EIF4G3: variants seen among roughly 807,000 people sequenced by gnomAD.
EIF4G3 encodes eukaryotic translation initiation factor 4 gamma 3.
EIF4G3 carries 34 observed loss-of-function variants against 186.4 expected under a neutral mutation model. That is an observed-to-expected ratio of 0.18 (90% confidence interval 0.14 to 0.24). EIF4G3 has a LOEUF of 0.24. EIF4G3 is among the 10% of genes least tolerant of loss of function. EIF4G3 has a pLI of 1.00. For missense variants in EIF4G3, 1,536 were observed against 1,948.5 expected, an observed-to-expected ratio of 0.79 and a Z score of 3.99; for synonymous variants, 673 against 679.5, an observed-to-expected ratio of 0.99 and a Z score of 0.15.
intron 3 of EIF4G3, among the ~76,000 whole-genome samples, chr1:21,053,565 G>A (rs1215338368): frequency 3.4e-5 from 5 of 145,194 alleles, no homozygotes; most frequent in African/African-American, 5.1e-5. Flanking sequence ...CCCCCCGCCC[G>A]GCCAGCCGCC....
intron 29 of EIF4G3, among the ~76,000 whole-genome samples, chr1:20,845,828 A>T (rs972211459): frequency 2.0e-5 from 3 of 151,898 alleles, no homozygotes; most frequent in Non-Finnish European, 4.4e-5. Context: ...ACTTTTTTCT[A>T]GTTCTTTGTA....
chr1:20,993,477 C>A (rs925686538), intron 7 of EIF4G3, among the ~76,000 whole-genome samples: 1 of 152,130 alleles, frequency 6.6e-6, no homozygotes, highest in Non-Finnish European at 1.5e-5. Flanking sequence ...AAAAAGCCTA[C>A]CTAAATAATT....
chr1:21,058,717 C>CTTTT (rs2094704578), intron 3 of EIF4G3, among the ~76,000 whole-genome samples: 1 of 104,620 alleles, frequency 9.6e-6, no homozygotes. Flanking sequence ...CTCTCTCTCT[C>CTTTT]TCTTTTTTTT....
intron 14 of EIF4G3, among the ~76,000 whole-genome samples, chr1:20,905,670 A>G (rs961631400): frequency 1.3e-5 from 2 of 152,218 alleles, no homozygotes; most frequent in African/African-American, 4.8e-5. Flanking sequence ...TCTGGCTTAC[A>G]AATTCCACAG....
intron 2 of EIF4G3, among the ~76,000 whole-genome samples, chr1:21,132,145 C>G (rs942028217): frequency 2.0e-4 from 31 of 152,004 alleles, no homozygotes; most frequent in African/African-American, 6.3e-4. Flanking sequence ...TTATTCAAAA[C>G]TCAATAAACA....
chr1:20,879,415 G>T lies in EIF4G3; in HGVS notation c.2530C>A (p.Leu844Met), dbSNP rs1212980389. 6.2e-7 allele frequency: 1 copy of T among 1,601,174 alleles called. No homozygotes were observed. The highest frequency in any genetic ancestry group is 1.3e-5 in the African/African-American group (1 of 74,352). Reference protein sequence around the residue: ...SGLTVDTEERLKGVIDLVFEK... With the variant: ...SGLTVDTEERMKGVIDLVFEK... ...AAGACCAGGTCAATAACTCCTTTCAGCCGCTCCTCTGTGTCAACAGTAAGT... is the reference window on the plus strand; with the variant it reads ...AAGACCAGGTCAATAACTCCTTTCATCCGCTCCTCTGTGTCAACAGTAAGT... Residue 844 changes from leucine to methionine, a missense_variant, in exon 20 of 37, where the codon CTG (leucine) becomes ATG (methionine). Coordinates refer to ENST00000602326, the MANE Select transcript of EIF4G3 (RefSeq NM_001391906.1).
intron 15 of EIF4G3, among the ~76,000 whole-genome samples, chr1:20,901,568 C>T (rs931318099): frequency 5.9e-5 from 9 of 152,024 alleles, no homozygotes; most frequent in Non-Finnish European, 1.3e-4. Context: ...CATATATAAA[C>T]AGAGGCTGTA....
chr1:21,093,001 A>G (rs1028099235), intron 2 of EIF4G3, among the ~76,000 whole-genome samples: 1 of 152,248 alleles, frequency 6.6e-6, no homozygotes, highest in African/African-American at 2.4e-5. Flanking sequence ...AAAACCCTAG[A>G]AGAAAACCTA....
chr1:21,172,797 C>T (rs1204945639), intron 2 of EIF4G3, among the ~76,000 whole-genome samples: 3 of 151,116 alleles, frequency 2.0e-5, no homozygotes, highest in African/African-American at 7.3e-5. Context: ...ATCTGCCCAC[C>T]TCGGCCTCCC....
At chr1:20,876,059 A>G (rs971719083) in intron 20 of EIF4G3, among the ~76,000 whole-genome samples, 1 of 151,664 alleles carries the variant, frequency 6.6e-6, no homozygotes, top group Non-Finnish European at 1.5e-5. Context: ...CCAAAACCCT[A>G]CATGTACAAA....
intron 14 of EIF4G3, among the ~76,000 whole-genome samples, chr1:20,924,953 T>C (rs2094773883): frequency 6.6e-6 from 1 of 152,184 alleles, no homozygotes; most frequent in Non-Finnish European, 1.5e-5. Flanking sequence ...CAAAAGTAAT[T>C]CATATGAACA....
At position 21,141,566 on chromosome 1, in the gene EIF4G3, A is replaced by C. The variant is rs79189662; in HGVS notation, c.-272+34609T>G. Among the ~76,000 whole-genome samples the C allele has an allele frequency of 5.6e-3, 855 of 152,236 alleles. 3 individuals carry two copies. The highest frequency in any genetic ancestry group is 9.6e-3 in the Non-Finnish European group (656 of 68,010). ...CTATTTTACATTAAGAAAGTGAAGA[A>C]ACAAGACAAAAAACAGATCCAACCC... On this transcript the variant is annotated intron_variant, in intron 2 of 36. Transcript: ENST00000602326.
chr1:20,893,355 C>A (rs1282491507), intron 18 of EIF4G3, 162 bp downstream of exon 18: 1 of 680,410 alleles, frequency 1.5e-6, no homozygotes, highest in Non-Finnish European at 2.2e-6. Flanking sequence ...CAAGTGTATT[C>A]TTTATCTGCT....
chr1:21,113,785 G>T (rs1260756948), intron 2 of EIF4G3, among the ~76,000 whole-genome samples: 1 of 152,158 alleles, frequency 6.6e-6, no homozygotes, highest in African/African-American at 2.4e-5. Context: ...GGAGGCTGAG[G>T]CAGGAGGATC....
intron 4 of EIF4G3, among the ~76,000 whole-genome samples, chr1:21,014,174 A>C (rs1414488881): frequency 1.3e-5 from 2 of 152,212 alleles, no homozygotes; most frequent in African/African-American, 4.8e-5. Flanking sequence ...ATCTCAAAAC[A>C]AAACAAGTTG....
chr1:20,991,362 G>A (rs1023514549), intron 7 of EIF4G3, among the ~76,000 whole-genome samples: 7 of 152,080 alleles, frequency 4.6e-5, no homozygotes, highest in African/African-American at 9.7e-5. Context: ...AAGCTCAGGA[G>A]CTCAAGACTG....
chr1:21,023,081 GTT>G (rs1382806664), intron 4 of EIF4G3, among the ~76,000 whole-genome samples: 3 of 152,126 alleles, frequency 2.0e-5, no homozygotes, highest in Non-Finnish European at 4.4e-5. Context: ...AATCTAACAA[GTT>G]TGTGAGTTTT....
chr1:20,909,045 G>A (rs1337545738), intron 14 of EIF4G3, among the ~76,000 whole-genome samples: 4 of 151,982 alleles, frequency 2.6e-5, no homozygotes, highest in African/African-American at 2.4e-5. Flanking sequence ...CCAGCTACTC[G>A]GGAGGCTGAG....
intron 3 of EIF4G3, among the ~76,000 whole-genome samples, chr1:21,060,695 A>C (rs2154578454): frequency 6.6e-6 from 1 of 150,634 alleles, no homozygotes; most frequent in Admixed American, 6.6e-5. Flanking sequence ...GAGGCCCAAC[A>C]GTTCGGCGCT....
Sources: gnomAD v4.1 joint callset for allele counts (sites outside exome capture counted in the v4.1 genomes callset) on GRCh38, gnomAD v4.1.1 for gene constraint, MANE v1.5 for transcripts, NCBI Gene and HGNC (gene_info 2026-07-23, HGNC 2026-07-21) for gene names.